GREB1L: variants seen among roughly 807,000 people sequenced by gnomAD.
The protein encoded by GREB1L is GREB1 like retinoic acid receptor coactivator.
A neutral mutation model predicts 200.8 loss-of-function variants in GREB1L; 17 were observed. The ratio of observed to expected loss-of-function variants is 0.08; its 90% CI spans 0.06 to 0.13. GREB1L has a LOEUF of 0.13. Ranked by LOEUF, GREB1L falls within the 10% of genes least tolerant of loss-of-function variation. The pLI is 1.00. For missense variants in GREB1L, 1,657 were observed against 2,367.7 expected, an observed-to-expected ratio of 0.70 and a Z score of 6.23; for synonymous variants, 789 against 893.0, an observed-to-expected ratio of 0.88 and a Z score of 2.08.
intron 1 of GREB1L, among the ~76,000 whole-genome samples, chr18:21,293,914 G>C (rs1468178695): frequency 6.6e-6 from 1 of 152,098 alleles, no homozygotes; most frequent in Non-Finnish European, 1.5e-5. Context: ...CGAGCAGCTG[G>C]GATTATGGGT....
intron 7 of GREB1L, among the ~76,000 whole-genome samples, chr18:21,411,448 C>T (rs527627102): frequency 5.4e-4 from 82 of 151,824 alleles, no homozygotes; most frequent in Non-Finnish European, 1.0e-3. Context: ...CCTCATGATC[C>T]GCCTGCCTCG....
chr18:21,325,340 A>G (rs2059520926), intron 1 of GREB1L, among the ~76,000 whole-genome samples: 1 of 152,146 alleles, frequency 6.6e-6, no homozygotes, highest in South Asian at 2.1e-4. Flanking sequence ...CCTTTGGGAG[A>G]CAAATAACCA....
intron 1 of GREB1L, among the ~76,000 whole-genome samples, chr18:21,321,680 T>G (rs2038953519): frequency 1.3e-5 from 2 of 152,132 alleles, no homozygotes; most frequent in Admixed American, 6.5e-5. Context: ...ACAGTGAGAC[T>G]ATGTCTCAAA....
intron 21 of GREB1L, among the ~76,000 whole-genome samples, chr18:21,499,392 G>C (rs1025479867): frequency 2.0e-5 from 3 of 152,100 alleles, no homozygotes; most frequent in Non-Finnish European, 4.4e-5. Flanking sequence ...GGCCACCGTG[G>C]GCCTGACACA....
chr18:21,414,341 GA>G (rs61445001), intron 7 of GREB1L, among the ~76,000 whole-genome samples: 52 of 150,680 alleles, frequency 3.5e-4, no homozygotes, highest in African/African-American at 9.2e-4. Context: ...TGTACTAAAA[GA>G]AAAAAAAACT....
chr18:21,371,041 A>C (rs1481542329), intron 2 of GREB1L, among the ~76,000 whole-genome samples: 2 of 152,100 alleles, frequency 1.3e-5, no homozygotes, highest in African/African-American at 2.4e-5. Context: ...AGCTGAGATC[A>C]CACCACTGCA....
chr18:21,289,272 AGGT>A (rs2038408124), intron 1 of GREB1L, among the ~76,000 whole-genome samples: 1 of 152,092 alleles, frequency 6.6e-6, no homozygotes, highest in African/African-American at 2.4e-5. Context: ...TTTTTAGGCC[AGGT>A]GTGGTAGCTC....
chr18:21,332,833 C>G (rs2039125441), intron 1 of GREB1L, among the ~76,000 whole-genome samples: 1 of 152,136 alleles, frequency 6.6e-6, no homozygotes, highest in Non-Finnish European at 1.5e-5. Context: ...GTAATCCCAG[C>G]ACTTTGGAAG....
At chr18:21,497,479 C>T (rs948832257) in intron 21 of GREB1L, among the ~76,000 whole-genome samples, 2 of 151,996 alleles carry the variant, frequency 1.3e-5, no homozygotes, top group East Asian at 1.9e-4. Flanking sequence ...CTCATCTCTA[C>T]TAAAAATACA....
chr18:21,430,994 TTTTATTTATTTATTTATTTA>T (rs59970232), intron 7 of GREB1L, among the ~76,000 whole-genome samples: 3 of 141,062 alleles, frequency 2.1e-5, no homozygotes, highest in East Asian at 4.1e-4. Flanking sequence ...TTTTCATTTA[TTTTATTTATTTATTTATTTA>T]TTTATTTATT....
At chr18:21,317,223 G>A (rs1208235905) in intron 1 of GREB1L, among the ~76,000 whole-genome samples, 2 of 150,036 alleles carry the variant, frequency 1.3e-5, no homozygotes, top group African/African-American at 2.5e-5. Flanking sequence ...TCAATCAATG[G>A]ATTAATCAAT....
chr18:21,357,209 G>T (rs549482739), intron 1 of GREB1L, among the ~76,000 whole-genome samples: 1 of 152,004 alleles, frequency 6.6e-6, no homozygotes, highest in South Asian at 2.1e-4. Flanking sequence ...TGCATACCAC[G>T]ACGTCTGGTT....
intron 4 of GREB1L, among the ~76,000 whole-genome samples, chr18:21,385,844 T>C (rs1413947431): frequency 6.6e-6 from 1 of 152,220 alleles, no homozygotes; most frequent in Non-Finnish European, 1.5e-5. Flanking sequence ...TTTTCAAATA[T>C]CTAATTTTAT....
At chr18:21,430,581 CTTTTTTT>C (rs147151717) in intron 7 of GREB1L, among the ~76,000 whole-genome samples, 3 of 60,192 alleles carry the variant, frequency 5.0e-5, no homozygotes, top group African/African-American at 2.0e-4. Flanking sequence ...GATTTGGGAT[CTTTTTTT>C]TTTTTTTTTT....
At chr18:21,375,886 CCAT>C (rs1334423583) in intron 2 of GREB1L, among the ~76,000 whole-genome samples, 1 of 152,004 alleles carries the variant, frequency 6.6e-6, no homozygotes, top group African/African-American at 2.4e-5. Context: ...ACCACCACCA[CCAT>C]CACCACCACC....
chr18:21,464,265 C>T (rs1352026855), intron 15 of GREB1L, among the ~76,000 whole-genome samples: 7 of 152,132 alleles, frequency 4.6e-5, no homozygotes, highest in African/African-American at 1.4e-4. Flanking sequence ...CGCGGTCGCT[C>T]ACGCCTGTAA....
intron 22 of GREB1L, 114 bp downstream of exon 22, chr18:21,500,420 A>T: frequency 1.2e-6 from 1 of 836,402 alleles, no homozygotes; most frequent in East Asian, 2.6e-5. Flanking sequence ...AGCAGTGAGG[A>T]CCTCATTCAG....
chr18:21,460,495 A>G (rs1161259644), intron 15 of GREB1L, among the ~76,000 whole-genome samples: 1 of 152,068 alleles, frequency 6.6e-6, no homozygotes, highest in Non-Finnish European at 1.5e-5. Flanking sequence ...ACAGGCATGC[A>G]CCACCACACC....
intron 6 of GREB1L, among the ~76,000 whole-genome samples, chr18:21,402,419 CTTT>C (rs887970884): frequency 2.0e-5 from 3 of 151,008 alleles, no homozygotes; most frequent in Non-Finnish European, 4.4e-5. Flanking sequence ...TTTCATTTAT[CTTT>C]TTTTCTTTTC....
Sources: gnomAD v4.1 joint callset for allele counts (sites outside exome capture counted in the v4.1 genomes callset) on GRCh38, gnomAD v4.1.1 for gene constraint, MANE v1.5 for transcripts, NCBI Gene and HGNC (gene_info 2026-07-23, HGNC 2026-07-21) for gene names.